The following SBF2 variants were observed in gnomAD, a reference collection of about 807,000 sequenced individuals.
SBF2 encodes the protein myotubularin-related protein 13.
Under a neutral mutation model 225.2 loss-of-function variants are expected in SBF2, and 112 were observed. That is an observed-to-expected ratio of 0.50 (90% confidence interval 0.43 to 0.58). The LOEUF (loss-of-function observed/expected upper bound fraction) is 0.58. SBF2 is among the 20% of genes least tolerant of loss of function. SBF2 has a pLI of 0.00. For synonymous variants in SBF2, 763 were observed against 773.3 expected (o/e 0.99, Z 0.22); for missense variants, 1,996 against 2,206.2 (o/e 0.90, Z 1.91).
In SBF2 at chr11:9,828,702, A is replaced by C. The variant is rs1855206596; in HGVS notation, c.3793+654T>G. 4.5e-6 allele frequency: 4 copies of C among 885,354 alleles called. No individual in the cohort carries two copies. The South Asian group carries it at 2.1e-4, about 46-fold the overall frequency. The allele number at this position is 885,354 out of a possible 1,614,324, so 54.8% of individuals were successfully genotyped here. ...CCAGTGAAAACAAATTGTACTGAAA[A>C]TCATAATAGGCTGCAGATATTTTGG... is the stretch of plus-strand genomic sequence containing the variant. On this transcript the variant is annotated intron_variant, in intron 28 of 39. Coordinates refer to ENST00000256190, the MANE Select transcript of SBF2 (RefSeq NM_030962.4).
chr11:10,123,116 A>G (rs1348984958), intron 2 of SBF2, among the ~76,000 whole-genome samples: 1 of 152,088 alleles, frequency 6.6e-6, no homozygotes, highest in Non-Finnish European at 1.5e-5. Context: ...AACTATAGAA[A>G]ACCCTTCTGA....
chr11:9,812,994 G>A (rs1854277314), intron 29 of SBF2, among the ~76,000 whole-genome samples: 1 of 152,192 alleles, frequency 6.6e-6, no homozygotes, highest in Non-Finnish European at 1.5e-5. Flanking sequence ...GAGCCTACTG[G>A]TAGACTGGAA....
At chr11:10,296,066 G>A (rs1964534611), upstream of SBF2, among the ~76,000 whole-genome samples, 1 of 152,038 alleles carries the variant, frequency 6.6e-6, no homozygotes, top group Admixed American at 6.5e-5. Context: ...ACAGCCCCTG[G>A]CAATCACCAT....
In SBF2 at chr11:10,028,570, A is replaced by T; in HGVS notation, c.514-13T>A. The T allele has an allele frequency of 6.6e-7, 1 of 1,518,458 alleles. No individual in the cohort carries two copies. The highest frequency in any genetic ancestry group is 1.7e-5 in the Admixed American group (1 of 59,870). The allele number at this position is 1,518,458 out of a possible 1,614,324, so 94.1% of individuals were successfully genotyped here. A position where few individuals can be genotyped will look rare whatever the true frequency, so the allele number is the denominator to read the frequency against. ...AAGAAAACAGCTTCTGCAGAATGGG[A>T]GAAACACAAACACACACACACACGA... On this transcript the variant is annotated splice_polypyrimidine_tract_variant and intron_variant, in intron 5 of 39. Coordinates refer to ENST00000256190, the MANE Select transcript of SBF2 (RefSeq NM_030962.4).
chr11:10,041,856 T>C (rs1337201210), intron 3 of SBF2, among the ~76,000 whole-genome samples: 1 of 150,244 alleles, frequency 6.7e-6, no homozygotes, highest in Admixed American at 6.7e-5. Flanking sequence ...GCTTACTCAA[T>C]ATCTTCGAAG....
At chr11:9,890,716 G>T (rs1860730367) in intron 17 of SBF2, among the ~76,000 whole-genome samples, 1 of 152,168 alleles carries the variant, frequency 6.6e-6, no homozygotes, top group African/African-American at 2.4e-5. Context: ...GTGCCTCAAA[G>T]AAGTAATGGG....
Position 9,778,727 on chromosome 11 carries a change from C to G in SBF2, c.*1691G>C, listed in dbSNP as rs995954814. ...TCCCATGTATGAATCCTGAGTGTTA[C>G]CCTCCTGAATGCTGTGCACTACAGA... On this transcript the variant is annotated 3_prime_UTR_variant, in exon 40 of 40. Coordinates refer to ENST00000256190, the MANE Select transcript of SBF2 (RefSeq NM_030962.4). The G allele has an allele frequency of 1.3e-5, 2 of 152,608 alleles. No homozygotes were observed. Among genetic ancestry groups the G allele is most frequent in the African/African-American group, 4.8e-5 (2 of 41,438 alleles). 9.5% of individuals were successfully genotyped at this position (152,608 alleles called of 1,614,324 possible).
At chr11:9,903,776 G>A (rs374574732) in intron 16 of SBF2, among the ~76,000 whole-genome samples, 2 of 152,160 alleles carry the variant, frequency 1.3e-5, no homozygotes, top group African/African-American at 4.8e-5. Context: ...TGGGAGGTGA[G>A]CATGCGCAGT....
chr11:10,093,370 A>G (rs576423970), intron 2 of SBF2, among the ~76,000 whole-genome samples: 1 of 146,710 alleles, frequency 6.8e-6, no homozygotes, highest in South Asian at 2.2e-4. Context: ...AGCTTCATCC[A>G]GTGGTCAGCT....
intron 1 of SBF2, among the ~76,000 whole-genome samples, chr11:10,262,303 C>T (rs1961522373): frequency 6.6e-6 from 1 of 152,102 alleles, no homozygotes; most frequent in South Asian, 2.1e-4. Flanking sequence ...GTAGGTAGTA[C>T]TATACAGGCG....
intron 1 of SBF2, among the ~76,000 whole-genome samples, chr11:10,243,066 T>C (rs1959385982): frequency 6.6e-6 from 1 of 151,904 alleles, no homozygotes; most frequent in Admixed American, 6.6e-5. Flanking sequence ...TTCTACAGGG[T>C]TGATCACATG....
At position 9,895,966 on chromosome 11, in the gene SBF2, G is replaced by T. The variant is rs1170697086; in HGVS notation, c.1906C>A (p.Pro636Thr). 1.1e-5 allele frequency: 17 copies of T among 1,613,076 alleles called. No homozygotes were observed. The highest frequency in any genetic ancestry group is 1.4e-5 in the Non-Finnish European group (17 of 1,179,262). The change falls in exon 17 of 40, where the codon CCT becomes ACT. Residue 636 changes from proline (P) to threonine (T), a missense_variant. Coordinates refer to ENST00000256190, the MANE Select transcript of SBF2 (RefSeq NM_030962.4). ...EEYNIAAALL[P>T]LTSAFYRKLA... ...ACCCTATAGAAAGCACTGGTCAAAG[G>T]GAGTAATGCTGCGGCAATGTTGTAT...
intron 14 of SBF2, among the ~76,000 whole-genome samples, chr11:9,964,423 T>C (rs1325936145): frequency 6.6e-6 from 1 of 152,244 alleles, no homozygotes; most frequent in East Asian, 1.9e-4. Flanking sequence ...TTAACTTTTA[T>C]GCAAACTAAT....
chr11:10,138,111 T>G (rs911067591), intron 2 of SBF2, among the ~76,000 whole-genome samples: 10 of 152,166 alleles, frequency 6.6e-5, no homozygotes, highest in Middle Eastern at 6.3e-3. Flanking sequence ...GGTAAAATCA[T>G]CTAGGTTTGG....
At chr11:10,282,032 T>C (rs901296011) in intron 1 of SBF2, among the ~76,000 whole-genome samples, 3 of 152,176 alleles carry the variant, frequency 2.0e-5, no homozygotes, top group African/African-American at 7.2e-5. Context: ...ACTTGGGGCA[T>C]GTATTCATCA....
At chr11:10,089,899 T>C (rs922184745) in intron 2 of SBF2, among the ~76,000 whole-genome samples, 2 of 152,172 alleles carry the variant, frequency 1.3e-5, no homozygotes, top group South Asian at 4.1e-4. Flanking sequence ...CACAGCAGTA[T>C]TGTTCATAAT....
intron 6 of SBF2, among the ~76,000 whole-genome samples, chr11:10,008,551 C>T (rs946508002): frequency 1.3e-5 from 2 of 151,936 alleles, no homozygotes; most frequent in South Asian, 4.2e-4. Context: ...TACAAGTCCA[C>T]CAGCTCCCTC....
At chr11:9,811,371 T>A (rs941076350) in intron 30 of SBF2, 9 of 152,178 alleles carry the variant, frequency 5.9e-5, no homozygotes, top group African/African-American at 2.2e-4. Context: ...GCTTTAAGAG[T>A]TAACTTTTAA....
intron 24 of SBF2, 142 bp from the exon 25 acceptor site, chr11:9,842,912 T>C (rs1856265739): frequency 1.3e-6 from 1 of 744,614 alleles, no homozygotes; most frequent in Admixed American, 2.7e-5. Context: ...TCTCCTTCTT[T>C]AGGTTACTTT....
Sources: allele counts gnomAD v4.1 joint callset (sites outside exome capture counted in the v4.1 genomes callset), GRCh38; gene constraint gnomAD v4.1.1; transcripts MANE v1.5; gene names NCBI Gene and HGNC (gene_info 2026-07-23, HGNC 2026-07-21).